VWF: variants seen among roughly 807,000 people sequenced by gnomAD.
VWF encodes Factor VIII related antigen.
VWF carries 176 observed loss-of-function variants against 308.6 expected under a neutral mutation model. The ratio of observed to expected loss-of-function variants is 0.57; its 90% CI spans 0.50 to 0.65. The LOEUF (loss-of-function observed/expected upper bound fraction) is 0.65, where lower values mean the gene tolerates loss of function less well. Ranked by LOEUF, VWF falls within the 30% of genes least tolerant of loss-of-function variation. VWF has a pLI of 0.00. For synonymous variants in VWF, 1,385 were observed against 1,443.4 expected, an observed-to-expected ratio of 0.96 and a Z score of 0.92; for missense variants, 3,146 against 3,648.2, an observed-to-expected ratio of 0.86 and a Z score of 3.55.
At position 6,011,709 on chromosome 12, in the gene VWF, A is replaced by G. The variant is rs1943996914; in HGVS notation, c.5750T>C (p.Val1917Ala). ...AGGCCTCAGCCCCCGGTCACAGTTG[A>G]CCCGATGACTCTTCAGCAAGGTCTG... ...DGQTLLKSHRVNCDRGLRPSC... is the reference protein window; with the variant it reads ...DGQTLLKSHRANCDRGLRPSC... The change falls in exon 34 of 52, where the codon GTC becomes GCC. Residue 1917 changes from valine (V) to alanine (A), a missense_variant. Transcript: ENST00000261405. 1 of 1,613,756 alleles carries G rather than the reference A, an allele frequency of 6.2e-7. No homozygotes were observed. Among genetic ancestry groups the G allele is most frequent in the African/African-American group, 1.3e-5 (1 of 74,902 alleles).
intron 1 of VWF, among the ~76,000 whole-genome samples, chr12:6,123,817 C>T (rs1355201970): frequency 2.0e-5 from 3 of 152,108 alleles, no homozygotes; most frequent in Admixed American, 2.0e-4. Flanking sequence ...GTCCAGCGGC[C>T]CTGGATGCAG....
Position 6,018,762 on chromosome 12 carries a change from G to A in VWF, c.4656C>T (p.Phe1552=), listed in dbSNP as rs746181055. Residue 1552 remains phenylalanine, a synonymous_variant, in exon 28 of 52, where the codon TTC becomes TTT. Transcript: ENST00000261405. ...YSYMVTVEYP[F]SEAQSKGDIL... The stretch of plus-strand genomic sequence containing the variant: ...TGTCCCCTTTGGACTGTGCCTCGCT[G>A]AAGGGGTACTCCACAGTCACCATGT... 4.3e-6 allele frequency: 7 copies of A among 1,613,592 alleles called. No homozygotes were observed. In the East Asian group the frequency reaches 1.6e-4, roughly 36 times the overall value.
chr12:5,969,865 G>A (rs1226097935), intron 44 of VWF, among the ~76,000 whole-genome samples: 1 of 152,174 alleles, frequency 6.6e-6, no homozygotes, highest in East Asian at 1.9e-4. Context: ...CTGCACATGG[G>A]TAGCCTGACC....
At chr12:5,970,665 A>G (rs1490058926) in intron 44 of VWF, among the ~76,000 whole-genome samples, 1 of 152,234 alleles carries the variant, frequency 6.6e-6, no homozygotes, top group Admixed American at 6.5e-5. Context: ...CCAGTGAGTC[A>G]TTCTGTTATC....
At chr12:6,083,032 G>A (rs78458827) in intron 6 of VWF, among the ~76,000 whole-genome samples, 1,583 of 152,180 alleles carry the variant, frequency 0.01, 37 homozygotes, top group African/African-American at 0.036. Context: ...TTTTTTAGAT[G>A]AAGTCTCGCT....
intron 47 of VWF, among the ~76,000 whole-genome samples, chr12:5,961,069 G>A (rs1388095689): frequency 6.6e-6 from 1 of 152,168 alleles, no homozygotes; most frequent in African/African-American, 2.4e-5. Context: ...AGGGATCCAG[G>A]TTGCGTGCTC....
chr12:6,055,247 C>G (rs1225487697), intron 15 of VWF, among the ~76,000 whole-genome samples: 4 of 152,122 alleles, frequency 2.6e-5, no homozygotes, highest in African/African-American at 9.7e-5. Context: ...TTAAGAAATC[C>G]TGCGGATGCT....
rs566934081 is a variant in VWF, at chr12:5,955,823, C to CT, written c.7888-2230dup. Among the ~76,000 whole-genome samples the CT allele has an allele frequency of 4.3e-4, 65 of 152,190 alleles. 1 individual carries two copies. The South Asian group carries it at 1.0e-2, about 23-fold the overall frequency. On this transcript the variant is annotated intron_variant, in intron 47 of 51. Transcript: ENST00000261405. ...TCTTAGAACTAGAAAACACAATACT[C>CT]TAAATCAAAAACTCACTGGATTGGA... is the stretch of plus-strand genomic sequence containing the variant.
intron 6 of VWF, among the ~76,000 whole-genome samples, chr12:6,093,351 C>T (rs1376542077): frequency 6.6e-6 from 1 of 152,132 alleles, no homozygotes; most frequent in African/African-American, 2.4e-5. Flanking sequence ...CCTCCTTACC[C>T]AGGGCAGCCC....
chr12:5,979,680 T>C (rs1396670562), intron 42 of VWF, among the ~76,000 whole-genome samples: 1 of 138,810 alleles, frequency 7.2e-6, no homozygotes, highest in African/African-American at 2.7e-5. Flanking sequence ...AACCAGGGAG[T>C]ACGAGGCTAC....
intron 27 of VWF, chr12:6,021,126 C>T (rs565681811): frequency 6.6e-6 from 1 of 152,336 alleles, no homozygotes; most frequent in East Asian, 1.9e-4. Flanking sequence ...AAACTCACCC[C>T]AGGCAGTGTT....
At chr12:5,986,061 G>C (rs950399823) in intron 38 of VWF, among the ~76,000 whole-genome samples, 5 of 152,232 alleles carry the variant, frequency 3.3e-5, no homozygotes, top group Admixed American at 6.5e-5. Context: ...AGGGTAGGAA[G>C]AGCGGTGGGG....
chr12:6,123,026 C>T, intron 2 of VWF, 116 bp downstream of exon 2: 1 of 1,369,148 alleles, frequency 7.3e-7, no homozygotes, highest in South Asian at 1.2e-5. Context: ...AACCAACAGC[C>T]TAAGTTAGGG....
chr12:6,099,107 G>T (rs545338855), intron 5 of VWF, among the ~76,000 whole-genome samples: 113 of 152,078 alleles, frequency 7.4e-4, no homozygotes, highest in African/African-American at 2.7e-3. Context: ...ATCACTTGAG[G>T]TCAAGAGTTC....
At chr12:5,973,007 C>T (rs946192655) in intron 43 of VWF, among the ~76,000 whole-genome samples, 1 of 152,170 alleles carries the variant, frequency 6.6e-6, no homozygotes, top group African/African-American at 2.4e-5. Flanking sequence ...CCTGTTGCCT[C>T]TCACCATGGG....
At chr12:6,009,666 C>T (rs948617383) in intron 34 of VWF, among the ~76,000 whole-genome samples, 2 of 152,180 alleles carry the variant, frequency 1.3e-5, no homozygotes, top group African/African-American at 4.8e-5. Flanking sequence ...CAAAAAGGTA[C>T]TTATACACTT....
intron 47 of VWF, among the ~76,000 whole-genome samples, chr12:5,959,769 C>CA (rs1943290923): frequency 6.6e-6 from 1 of 151,564 alleles, no homozygotes; most frequent in Non-Finnish European, 1.5e-5. Context: ...ACCCATGGAT[C>CA]AAAAAATAAA....
intron 47 of VWF, among the ~76,000 whole-genome samples, chr12:5,960,023 G>A (rs560357886): frequency 2.0e-4 from 29 of 146,916 alleles, no homozygotes; most frequent in Non-Finnish European, 3.5e-4. Flanking sequence ...AAACAACAAA[G>A]GCAAAAGTTG....
rs781033577 is a variant in VWF, at chr12:6,029,430, C to T, written c.2879G>A (p.Arg960Gln). The change falls in exon 22 of 52, where the codon CGG becomes CAG. Residue 960 changes from arginine to glutamine, a missense_variant. By Grantham distance (43) the Arg-to-Gln change is conservative. Coordinates refer to ENST00000261405, the MANE Select transcript of VWF (RefSeq NM_000552.5). ...TTTGCCCAGCAGCAGAATGATGTAC[C>T]GGCCAGACTCCACCACCTCAAAGTG... ...ETHFEVVESG[R>Q]YIILLLGKAL... The T allele has an allele frequency of 1.2e-6, 2 of 1,614,104 alleles. No homozygotes were observed. The highest frequency in any genetic ancestry group is 1.7e-6 in the Non-Finnish European group (2 of 1,180,012).
Sources: gnomAD v4.1 joint callset for allele counts (sites outside exome capture counted in the v4.1 genomes callset) on GRCh38, gnomAD v4.1.1 for gene constraint, MANE v1.5 for transcripts, NCBI Gene and HGNC (gene_info 2026-07-23, HGNC 2026-07-21) for gene names.